PCDHGB3: variants seen among roughly 807,000 people sequenced by gnomAD.
PCDHGB3 encodes protocadherin gamma-B3.
PCDHGB3 carries 40 observed loss-of-function variants against 59.2 expected under a neutral mutation model. The ratio of observed to expected loss-of-function variants is 0.68; its 90% CI spans 0.52 to 0.88. The LOEUF (loss-of-function observed/expected upper bound fraction) is 0.88, where lower values mean the gene tolerates loss of function less well. Among genes scored for constraint, PCDHGB3 ranks in the 40% least tolerant of loss-of-function variants. PCDHGB3 has a pLI of 0.00. For synonymous variants in PCDHGB3, 581 were observed against 503.6 expected (o/e 1.15, Z -2.06); for missense variants, 1,309 against 1,187.9 (o/e 1.10, Z -1.50).
In PCDHGB3 at chr5:141,371,483, G is replaced by T; in HGVS notation, c.1089G>T (p.Gly363=). 1 of 1,613,952 alleles carries T rather than the reference G, an allele frequency of 6.2e-7. No homozygotes were observed. The highest frequency in any genetic ancestry group is 8.5e-7 in the Non-Finnish European group (1 of 1,179,858). The change falls in exon 1 of 4, where the codon GGG becomes GGT. Residue 363 remains glycine, a synonymous_variant. Coordinates refer to ENST00000576222, the MANE Select transcript of PCDHGB3 (RefSeq NM_018924.5). ...SQHIQEDAEL[G]TAVALIKTHD... is the part of the protein sequence containing the mutation. ...ATATACAAGAAGATGCTGAGCTGGG[G>T]ACTGCCGTTGCCCTGATCAAAACAC...
chr5:141,511,118 C>T lies in PCDHGB3; in HGVS notation c.2735C>T (p.Ala912Val), dbSNP rs1352222210. 1.2e-6 allele frequency: 2 copies of T among 1,614,094 alleles called. No individual in the cohort carries two copies. The highest frequency in any genetic ancestry group is 1.7e-6 in the Non-Finnish European group (2 of 1,180,022). The change falls in exon 4 of 4, where the codon GCC (alanine) becomes GTC (valine). Residue 912 changes from alanine to valine, a missense_variant. Coordinates refer to ENST00000576222, the MANE Select transcript of PCDHGB3 (RefSeq NM_018924.5). ...GCAGCTGGCAAGCGGGATGGCAAGG[C>T]CCCAGCAGGTGGCAATGGCAACAAG... is the stretch of plus-strand genomic sequence containing the variant. ...TNAAGKRDGK[A>V]PAGGNGNKKK... is the part of the protein sequence containing the mutation.
intron 1 of PCDHGB3, chr5:141,388,795 C>G (rs1204065309): frequency 6.2e-7 from 1 of 1,613,716 alleles, no homozygotes; most frequent in Non-Finnish European, 8.5e-7. Flanking sequence ...GTTTTAAATA[C>G]ATTAGATTTT....
At chr5:141,399,901 G>A (rs767228671) in intron 1 of PCDHGB3, 42 of 1,612,296 alleles carry the variant, frequency 2.6e-5, no homozygotes, top group African/African-American at 1.3e-5. Flanking sequence ...GGCCGTGGAC[G>A]CAGACTCAGG....
chr5:141,377,101 A>G (rs6895700), intron 1 of PCDHGB3: 15,808 of 152,272 alleles, frequency 0.1, 1,337 homozygotes, highest in African/African-American at 0.24. Flanking sequence ...CTTTTATATC[A>G]AAAGAATGTT....
At chr5:141,426,963 C>G (rs1008659501) in intron 1 of PCDHGB3, 1 of 456,646 alleles carries the variant, frequency 2.2e-6, no homozygotes, top group African/African-American at 2.0e-5. Flanking sequence ...TGCTGCAATT[C>G]AAATTGAGGT....
intron 1 of PCDHGB3, chr5:141,400,123 G>T: frequency 6.2e-7 from 1 of 1,614,082 alleles, no homozygotes; most frequent in Non-Finnish European, 8.5e-7. Flanking sequence ...CAGCTTGCAG[G>T]AGGTGCTGCC....
chr5:141,394,451 G>A (rs774912185), intron 1 of PCDHGB3: 1 of 1,614,118 alleles, frequency 6.2e-7, no homozygotes, highest in Non-Finnish European at 8.5e-7. Flanking sequence ...GCAGCAACAT[G>A]TCACTGAGCC....
chr5:141,421,102 T>A (rs1420706532), intron 1 of PCDHGB3: 2 of 691,286 alleles, frequency 2.9e-6, no homozygotes, highest in Admixed American at 6.2e-5. Context: ...CACTGGAGAC[T>A]TAGAAGTATT....
In PCDHGB3 at chr5:141,476,034, C is replaced by G. The variant is rs934044974; in HGVS notation, c.2416-18773C>G. On this transcript the variant is annotated intron_variant, in intron 1 of 3. Transcript: ENST00000576222. This position sits in a 1 kb window ranked among gnomAD's most constrained non-coding sequence, Gnocchi z 7.6. ...CCATGTCGGACTCGGCGCCCAGCGC[C>G]CAAGCGCTAACCCGCTGAAAGTTTC... The G allele has an allele frequency of 2.0e-6, 3 of 1,464,488 alleles. No homozygotes were observed. Among genetic ancestry groups the G allele is most frequent in the Non-Finnish European group, 2.7e-6 (3 of 1,100,656 alleles). 90.7% of individuals were successfully genotyped at this position (1,464,488 alleles called of 1,614,324 possible). A position where few individuals can be genotyped will look rare whatever the true frequency, so the allele number is the denominator to read the frequency against.
intron 1 of PCDHGB3, among the ~76,000 whole-genome samples, chr5:141,472,145 A>G (rs1376068421): frequency 6.6e-6 from 1 of 152,244 alleles, no homozygotes; most frequent in Non-Finnish European, 1.5e-5. Flanking sequence ...TAAAAGTTTC[A>G]TGGTTACATA....
intron 1 of PCDHGB3, chr5:141,478,023 A>G (rs2099428714): frequency 6.2e-7 from 1 of 1,614,112 alleles, no homozygotes; most frequent in South Asian, 1.1e-5. Flanking sequence ...CCAGTCCAAG[A>G]CACAGATTCA....
At chr5:141,400,294 T>TTGCC (rs1347415154) in intron 1 of PCDHGB3, 1 of 1,614,070 alleles carries the variant, frequency 6.2e-7, no homozygotes, top group African/African-American at 1.3e-5. Context: ...CTGGAGCTGC[T>TTGCC]TCCAACCTGG....
rs759809591 is a variant in PCDHGB3 at position 141,511,048 on chromosome 5, C to T, written c.2665C>T (p.Arg889Cys). The change falls in exon 4 of 4, where the codon CGC becomes TGC. Residue 889 changes from arginine (R) to cysteine (C), a missense_variant. Coordinates refer to ENST00000576222, the MANE Select transcript of PCDHGB3 (RefSeq NM_018924.5). ...QFTLQHVPDY[R>C]QNVYIPGSNA... ...CACCCTGCAGCACGTGCCCGACTAC[C>T]GCCAGAATGTCTACATCCCAGGCAG... 9 of 1,614,224 alleles carry T rather than the reference C, an allele frequency of 5.6e-6. No individual in the cohort carries two copies. The highest frequency in any genetic ancestry group is 1.7e-5 in the Admixed American group (1 of 60,034).
At chr5:141,417,982 G>A (rs756382601) in intron 1 of PCDHGB3, 4 of 1,613,886 alleles carry the variant, frequency 2.5e-6, no homozygotes, top group Admixed American at 3.3e-5. Flanking sequence ...CGGAGGAGCT[G>A]GCCAAGGGCT....
At chr5:141,442,689 G>A (rs966261716) in intron 1 of PCDHGB3, among the ~76,000 whole-genome samples, 1 of 152,238 alleles carries the variant, frequency 6.6e-6, no homozygotes, top group South Asian at 2.1e-4. Context: ...CAGTAGTCAG[G>A]CAGACAAGAG....
chr5:141,370,780 AC>A lies in PCDHGB3; in HGVS notation c.389del (p.Pro130HisfsTer33). The A allele has an allele frequency of 6.2e-7, 1 of 1,613,990 alleles. No homozygotes were observed. Among genetic ancestry groups the A allele is most frequent in the Non-Finnish European group, 8.5e-7 (1 of 1,179,888 alleles). On this transcript the variant is annotated frameshift_variant, in exon 1 of 4. Transcript: ENST00000576222. LOFTEE classifies it high-confidence loss of function. ...VTVLIQDINDNPPTFSQNITE... is the reference protein window; with the variant it reads ...VTVLIQDINDXPPTFSQNITE... The stretch of plus-strand genomic sequence containing the variant: ...GTGCTGATCCAGGATATTAACGACA[AC>A]CCACCGACCTTTAGCCAAAATATCA...
chr5:141,394,069 A>G (rs1054107584), intron 1 of PCDHGB3: 1 of 1,613,862 alleles, frequency 6.2e-7, no homozygotes, highest in African/African-American at 1.3e-5. Context: ...TCTATCTACA[A>G]TATCACAGTG....
chr5:141,489,094 G>GAAT lies in PCDHGB3; in HGVS notation c.2416-5711_2416-5710insTAA, dbSNP rs2154581134. 5.1e-6 allele frequency: 2 copies of GAAT among 396,028 alleles called. No homozygotes were observed. Among genetic ancestry groups the GAAT allele is most frequent in the Non-Finnish European group, 9.0e-6 (2 of 221,296 alleles). 24.5% of individuals were successfully genotyped at this position (396,028 alleles called of 1,614,324 possible). Reference sequence around the variant, plus strand: ...CCCACCCCCGCCACTCGGTGACTAAGAACTGCTGCAAGCAGGCAAACCTCC... The same window carrying GAAT: ...CCCACCCCCGCCACTCGGTGACTAAGAATAACTGCTGCAAGCAGGCAAACCTCC... On this transcript the variant is annotated intron_variant, in intron 1 of 3. Coordinates refer to ENST00000576222, the MANE Select transcript of PCDHGB3 (RefSeq NM_018924.5). The surrounding 1 kb of genome is among the most constrained non-coding windows in gnomAD (Gnocchi z 4.5).
At chr5:141,397,984 A>G in intron 1 of PCDHGB3, 18 of 1,310,016 alleles carry the variant, frequency 1.4e-5, no homozygotes, top group Non-Finnish European at 1.9e-5. Flanking sequence ...CGGCCTTTAC[A>G]CCGCTTCCTC....
Sources: allele counts gnomAD v4.1 joint callset (sites outside exome capture counted in the v4.1 genomes callset), GRCh38; gene constraint gnomAD v4.1.1; non-coding constraint Gnocchi (gnomAD v3.1); transcripts MANE v1.5; gene names NCBI Gene and HGNC (gene_info 2026-07-23, HGNC 2026-07-21).